Variants in TBXAS1 observed in about 807,000 individuals in gnomAD.
TBXAS1 encodes the protein thromboxane-A synthase.
Under a neutral mutation model 60.7 loss-of-function variants are expected in TBXAS1, and 48 were observed. The ratio of observed to expected loss-of-function variants is 0.79; its 90% confidence interval spans 0.63 to 1.01. The LOEUF is 1.01. Among genes scored for constraint, TBXAS1 ranks in the 50% least tolerant of loss-of-function variants. The probability of loss-of-function intolerance (pLI) is 0.00; values close to 1 mark genes in which losing one functional copy is unlikely to be tolerated. For missense variants in TBXAS1, 685 were observed against 686.3 expected (o/e 1.00, Z 0.02); for synonymous variants, 287 against 269.7 (o/e 1.06, Z -0.63).
At chr7:139,965,317 T>G (rs1810696977) in intron 9 of TBXAS1, among the ~76,000 whole-genome samples, 1 of 152,170 alleles carries the variant, frequency 6.6e-6, no homozygotes, top group South Asian at 2.1e-4. Flanking sequence ...AGGTCAAATT[T>G]TTGAGTTTAG....
At chr7:139,847,476 G>C (rs1403181815) in intron 1 of TBXAS1, among the ~76,000 whole-genome samples, 1 of 152,022 alleles carries the variant, frequency 6.6e-6, no homozygotes, top group Non-Finnish European at 1.5e-5. Context: ...TTTCTTTGCA[G>C]GTTCAATTCT....
In TBXAS1 at chr7:139,872,295, T is replaced by C; in HGVS notation, c.150T>C (p.Ser50=). 13 of 1,614,092 alleles carry C rather than the reference T, an allele frequency of 8.1e-6. No homozygotes were observed. Among genetic ancestry groups the C allele is most frequent in the Non-Finnish European group, 1.0e-5 (12 of 1,179,946 alleles). The change falls in exon 2 of 13, where the codon TCT becomes TCC. Residue 50 remains serine, a synonymous_variant. Transcript: ENST00000448866. ...EKLGLRHPKP[S]PFIGNLTFFR... is the part of the protein sequence containing the mutation. ...TAGGCCTCAGACATCCCAAGCCTTCTCCTTTCATTGGAAACTTGACATTTT... is the reference window on the plus strand; with the variant it reads ...TAGGCCTCAGACATCCCAAGCCTTCCCCTTTCATTGGAAACTTGACATTTT...
chr7:139,883,042 C>A (rs1802817957), intron 3 of TBXAS1, among the ~76,000 whole-genome samples: 1 of 152,130 alleles, frequency 6.6e-6, no homozygotes, highest in African/African-American at 2.4e-5. Context: ...ACATAGTGTG[C>A]TGATGTTTTA....
intron 6 of TBXAS1, among the ~76,000 whole-genome samples, chr7:139,954,457 C>T (rs4725563): frequency 0.75 from 113,852 of 152,146 alleles, 42,842 homozygotes; most frequent in Admixed American, 0.81. Context: ...AGCAGGGAAA[C>T]GTGTAATCAG....
At chr7:139,956,428 G>T (rs1429832179) in intron 7 of TBXAS1, among the ~76,000 whole-genome samples, 1 of 152,216 alleles carries the variant, frequency 6.6e-6, no homozygotes. Context: ...TTACAAGCGT[G>T]AGCCACCACA....
At chr7:139,942,210 C>T (rs963645324) in intron 5 of TBXAS1, among the ~76,000 whole-genome samples, 7 of 152,190 alleles carry the variant, frequency 4.6e-5, no homozygotes, top group South Asian at 2.1e-4. Context: ...TATGGAGGAC[C>T]GAAAAGGCCC....
intron 1 of TBXAS1, among the ~76,000 whole-genome samples, chr7:139,835,976 C>A (rs1799029425): frequency 1.3e-5 from 2 of 151,772 alleles, no homozygotes; most frequent in African/African-American, 4.8e-5. Context: ...CTCCTATACA[C>A]CAACAGTGAC....
At chr7:139,914,266 G>A (rs1273088893) in intron 4 of TBXAS1, among the ~76,000 whole-genome samples, 1 of 151,904 alleles carries the variant, frequency 6.6e-6, no homozygotes, top group Non-Finnish European at 1.5e-5. Context: ...CGAGCTCCTG[G>A]CCTCAGGTGA....
intron 9 of TBXAS1, among the ~76,000 whole-genome samples, chr7:139,963,598 G>A (rs1810536738): frequency 6.6e-6 from 1 of 152,166 alleles, no homozygotes; most frequent in Non-Finnish European, 1.5e-5. Context: ...TTCTTAAATT[G>A]AGGAAAGGGT....
At chr7:139,950,329 C>T (rs546829946) in intron 5 of TBXAS1, among the ~76,000 whole-genome samples, 2 of 152,210 alleles carry the variant, frequency 1.3e-5, no homozygotes, top group African/African-American at 4.8e-5. Context: ...AGCCACCACG[C>T]CTGGCCAGGT....
intron 12 of TBXAS1, among the ~76,000 whole-genome samples, chr7:140,019,258 G>A: frequency 6.6e-6 from 1 of 152,178 alleles, no homozygotes; most frequent in Non-Finnish European, 1.5e-5. Context: ...AGACAGGGAG[G>A]GGCAGATCGG....
intron 4 of TBXAS1, among the ~76,000 whole-genome samples, chr7:139,925,011 C>T (rs919614602): frequency 1.3e-5 from 2 of 152,100 alleles, no homozygotes; most frequent in African/African-American, 4.8e-5. Flanking sequence ...TTCCATTGGT[C>T]TATGTGTCTG....
chr7:139,869,386 CTTTA>C (rs1444401940), intron 1 of TBXAS1, among the ~76,000 whole-genome samples: 5 of 151,912 alleles, frequency 3.3e-5, no homozygotes, highest in Non-Finnish European at 7.4e-5. Context: ...TTCAGTATGA[CTTTA>C]TTTATTTATT....
chr7:139,928,373 T>C (rs1381653450), intron 4 of TBXAS1, among the ~76,000 whole-genome samples: 1 of 152,258 alleles, frequency 6.6e-6, no homozygotes, highest in African/African-American at 2.4e-5. Context: ...TATTACCTAA[T>C]ATTTTGTTTA....
At chr7:139,810,712 A>G (rs1798003032) in intron 4 of TBXAS1, among the ~76,000 whole-genome samples, 1 of 152,198 alleles carries the variant, frequency 6.6e-6, no homozygotes, top group Non-Finnish European at 1.5e-5. Flanking sequence ...ACGCTCTGGG[A>G]TTATTTTATA....
chr7:140,011,307 AAAC>A (rs1814594966), intron 10 of TBXAS1, among the ~76,000 whole-genome samples: 3 of 146,862 alleles, frequency 2.0e-5, no homozygotes, highest in Admixed American at 6.9e-5. Flanking sequence ...CAAACAAAAA[AAAC>A]AGTCCCCTAA....
At chr7:139,962,427 C>A in intron 9 of TBXAS1, 194 bp downstream of exon 9, 2 of 654,708 alleles carry the variant, frequency 3.1e-6, no homozygotes, top group Admixed American at 5.2e-5. Context: ...ACAATAACCA[C>A]AACAAAAAGA....
chr7:139,987,133 T>C (rs1271283655), intron 9 of TBXAS1, among the ~76,000 whole-genome samples: 1 of 152,146 alleles, frequency 6.6e-6, no homozygotes, highest in Non-Finnish European at 1.5e-5. Context: ...TGGAGCCACC[T>C]TGGGGAGCTT....
chr7:139,843,978 A>T (rs956334928), intron 1 of TBXAS1, among the ~76,000 whole-genome samples: 1 of 152,230 alleles, frequency 6.6e-6, no homozygotes, highest in African/African-American at 2.4e-5. Flanking sequence ...GATTCATGCA[A>T]TCGTCGAATG....
Sources: gnomAD v4.1 joint callset for allele counts (sites outside exome capture counted in the v4.1 genomes callset) on GRCh38, gnomAD v4.1.1 for gene constraint, MANE v1.5 for transcripts, NCBI Gene and HGNC (gene_info 2026-07-23, HGNC 2026-07-21) for gene names.